Variants in TCF12 observed in about 807,000 individuals in gnomAD.
TCF12 encodes the protein transcription factor 12.
Under a neutral mutation model 86.0 loss-of-function variants are expected in TCF12, and 45 were observed. The observed-to-expected ratio is 0.52, with a 90% CI of 0.41 to 0.67. The LOEUF (loss-of-function observed/expected upper bound fraction) is 0.67, where lower values mean the gene tolerates loss of function less well. Ranked by LOEUF, TCF12 falls within the 30% of genes least tolerant of loss-of-function variation. The pLI is 0.00. For missense variants in TCF12, 881 were observed against 859.9 expected, an observed-to-expected ratio of 1.02 and a Z score of -0.31; for synonymous variants, 330 against 299.6, an observed-to-expected ratio of 1.10 and a Z score of -1.05.
chr15:57,002,111 C>T (rs2064078420), intron 3 of TCF12, among the ~76,000 whole-genome samples: 1 of 152,164 alleles, frequency 6.6e-6, no homozygotes, highest in Non-Finnish European at 1.5e-5. Context: ...GATTGGAGCA[C>T]AAGTGGTGAC....
intron 4 of TCF12, among the ~76,000 whole-genome samples, chr15:57,067,538 C>CAAAAAA (rs141377160): frequency 1.7e-5 from 1 of 58,552 alleles, no homozygotes; most frequent in African/African-American, 9.8e-5. Context: ...GACTCCGTCT[C>CAAAAAA]AAAAAAAAAA....
intron 3 of TCF12, among the ~76,000 whole-genome samples, chr15:57,019,227 A>G (rs940096423): frequency 2.6e-5 from 4 of 152,240 alleles, no homozygotes; most frequent in Non-Finnish European, 5.9e-5. Context: ...GCCTTTTACT[A>G]TCAATGTAGT....
At chr15:57,028,924 A>C (rs1226370415) in intron 3 of TCF12, among the ~76,000 whole-genome samples, 2 of 151,888 alleles carry the variant, frequency 1.3e-5, no homozygotes, top group Non-Finnish European at 2.9e-5. Context: ...CAGCTTCCTG[A>C]GTAGCTGGAA....
In TCF12 at chr15:57,193,335, G is replaced by A. The variant is rs114174000; in HGVS notation, c.526+1042G>A. Reference sequence around the variant, plus strand: ...TATACTACATTCACTACATTGTGCCGCTGTCACCCCTATCTAGTTCTGAAA... The same window carrying A: ...TATACTACATTCACTACATTGTGCCACTGTCACCCCTATCTAGTTCTGAAA... On this transcript the variant is annotated intron_variant, in intron 7 of 20. Transcript: ENST00000333725. Among the ~76,000 whole-genome samples, 233 of 152,240 alleles carry A rather than the reference G, an allele frequency of 1.5e-3. 1 individual carries two copies. Among genetic ancestry groups the A allele is most frequent in the African/African-American group, 5.5e-3 (229 of 41,542 alleles).
In TCF12 at chr15:57,100,886, G is replaced by A. The variant is rs193290930; in HGVS notation, c.325+8995G>A. Reference sequence around the variant, plus strand: ...ATACTGAATTGCTTTGGTTTAAATTGTACAAGTATTACTATTGTCTGAAGG... The same window carrying A: ...ATACTGAATTGCTTTGGTTTAAATTATACAAGTATTACTATTGTCTGAAGG... On this transcript the variant is annotated intron_variant, in intron 5 of 20. Coordinates refer to ENST00000333725, the MANE Select transcript of TCF12 (RefSeq NM_207037.2). Among the ~76,000 whole-genome samples, 100 of 152,226 alleles carry A rather than the reference G, an allele frequency of 6.6e-4. 1 individual carries two copies. The highest frequency in any genetic ancestry group is 2.0e-3 in the African/African-American group (85 of 41,538).
chr15:57,229,538 C>G (rs1157153328), intron 8 of TCF12, among the ~76,000 whole-genome samples: 1 of 151,264 alleles, frequency 6.6e-6, no homozygotes, highest in Non-Finnish European at 1.5e-5. Context: ...CTAGTATTAT[C>G]AGGACTAGCA....
intron 3 of TCF12, among the ~76,000 whole-genome samples, chr15:56,945,732 G>T (rs1386249238): frequency 6.6e-6 from 1 of 152,138 alleles, no homozygotes; most frequent in East Asian, 1.9e-4. Context: ...AGCTCACATT[G>T]AAATTTAATT....
intron 6 of TCF12, among the ~76,000 whole-genome samples, chr15:57,170,295 A>G (rs764738072): frequency 5.3e-5 from 8 of 150,994 alleles, no homozygotes; most frequent in Middle Eastern, 3.4e-3. Flanking sequence ...TTTTGAGGCA[A>G]GGTTTCACTC....
intron 5 of TCF12, among the ~76,000 whole-genome samples, chr15:57,156,967 AGT>A (rs1567532279): frequency 6.6e-6 from 1 of 152,038 alleles, no homozygotes; most frequent in Non-Finnish European, 1.5e-5. Flanking sequence ...ATTATTTAAG[AGT>A]GTGAATACTG....
chr15:57,282,685 A>G, intron 20 of TCF12, 87 bp downstream of exon 20: 4 of 1,452,990 alleles, frequency 2.8e-6, no homozygotes, highest in African/African-American at 2.8e-5. Context: ...AGAATTCTCT[A>G]GTGAGCAGTG....
chr15:57,229,609 C>T (rs1457185064), intron 8 of TCF12, among the ~76,000 whole-genome samples: 3 of 151,746 alleles, frequency 2.0e-5, no homozygotes, highest in Admixed American at 6.6e-5. Flanking sequence ...TATAACTAAG[C>T]TCATGTTAGA....
chr15:57,049,077 T>C (rs1422933493), intron 3 of TCF12, among the ~76,000 whole-genome samples: 1 of 152,092 alleles, frequency 6.6e-6, no homozygotes, highest in Non-Finnish European at 1.5e-5. Flanking sequence ...GCTGCCTATA[T>C]CCACTTTCTG....
intron 2 of TCF12, 35 bp downstream of exon 2, chr15:56,920,023 C>T (rs1301896967): frequency 6.2e-7 from 1 of 1,611,706 alleles, no homozygotes; most frequent in Non-Finnish European, 8.5e-7. Context: ...TGGGGTTCTG[C>T]TGAGGTTTTT....
At chr15:57,215,223 C>G (rs2058283918) in intron 8 of TCF12, among the ~76,000 whole-genome samples, 1 of 152,106 alleles carries the variant, frequency 6.6e-6, no homozygotes, top group Admixed American at 6.6e-5. Flanking sequence ...ATTAGCAAGG[C>G]TAACTAAAAT....
At chr15:57,136,958 GTTTTTTTTTTTGTTTTTTTTTTTTT>G (rs2052575216) in intron 5 of TCF12, among the ~76,000 whole-genome samples, 6 of 82,998 alleles carry the variant, frequency 7.2e-5, no homozygotes, top group South Asian at 4.7e-4. Context: ...GCTTCTGGCA[GTTTTTTTTTTTGTTTTTTTTTTTTT>G]TTTTTTTTTT....
rs576464260 is a variant in TCF12 at position 57,044,650 on chromosome 15, G to A, written c.149-19100G>A. 2.0e-4 allele frequency among the ~76,000 whole-genome samples: 30 copies of A among 151,018 alleles called. No individual in the cohort carries two copies. In the East Asian group the frequency reaches 5.4e-3, roughly 27 times the overall value. The stretch of plus-strand genomic sequence containing the variant: ...CCCGTTTTTCTGGTCAAAATTTTAT[G>A]GATCTTTTCTTTGAAGTAGAGCTTT... On this transcript the variant is annotated intron_variant, in intron 3 of 20. Transcript: ENST00000333725.
intron 5 of TCF12, among the ~76,000 whole-genome samples, chr15:57,127,066 T>G (rs1276041460): frequency 6.7e-6 from 1 of 150,362 alleles, no homozygotes. Flanking sequence ...CACTGCAACC[T>G]CCACCTCCTG....
At chr15:56,955,531 C>G (rs911050966) in intron 3 of TCF12, among the ~76,000 whole-genome samples, 1 of 151,814 alleles carries the variant, frequency 6.6e-6, no homozygotes, top group Non-Finnish European at 1.5e-5. Flanking sequence ...TGCACATGTA[C>G]CCTAGAACCT....
chr15:57,089,341 T>G (rs1325181805), intron 4 of TCF12, among the ~76,000 whole-genome samples: 1 of 152,188 alleles, frequency 6.6e-6, no homozygotes, highest in African/African-American at 2.4e-5. Flanking sequence ...AAATAGGTAT[T>G]GAGGATTCAT....
Sources: gnomAD v4.1 joint callset for allele counts (sites outside exome capture counted in the v4.1 genomes callset) on GRCh38, gnomAD v4.1.1 for gene constraint, MANE v1.5 for transcripts, NCBI Gene and HGNC (gene_info 2026-07-23, HGNC 2026-07-21) for gene names.